Variants in ARID1B observed in about 807,000 individuals in gnomAD.
ARID1B encodes AT-rich interactive domain-containing protein 1B.
In ARID1B, 30 loss-of-function variants were observed where a neutral mutation model predicts 212.3. The ratio of observed to expected loss-of-function variants is 0.14; its 90% CI spans 0.11 to 0.19. The LOEUF (loss-of-function observed/expected upper bound fraction) is 0.19, where lower values mean the gene tolerates loss of function less well. ARID1B is among the 10% of genes least tolerant of loss of function. The pLI is 1.00. For missense variants in ARID1B, 2,891 were observed against 3,204.0 expected (o/e 0.90, Z 2.36); for synonymous variants, 1,402 against 1,301.7 (o/e 1.08, Z -1.66).
chr6:156,914,383 T>C (rs1220663711), intron 3 of ARID1B, among the ~76,000 whole-genome samples: 1 of 152,244 alleles, frequency 6.6e-6, no homozygotes, highest in East Asian at 1.9e-4. Context: ...TAGGATTCCA[T>C]GCAGCTGACG....
intron 12 of ARID1B, among the ~76,000 whole-genome samples, chr6:157,182,526 CG>C (rs972497860): frequency 6.6e-6 from 1 of 152,090 alleles, no homozygotes; most frequent in Non-Finnish European, 1.5e-5. Flanking sequence ...ACCAAGGTGG[CG>C]GGGGTCACTA....
rs184278905 is a variant in ARID1B at position 156,829,488 on chromosome 6, C to G, written c.1986+67C>G. 9.7e-5 allele frequency: 142 copies of G among 1,461,708 alleles called. No individual in the cohort carries two copies. In the African/African-American group the frequency reaches 1.7e-3, roughly 17 times the overall value. 90.5% of individuals were successfully genotyped at this position (1,461,708 alleles called of 1,614,324 possible). ...TTTGTCTTTGCCTTTTGCTGTCCAC[C>G]TAAGATTGATGTTAAAGAGAATTAG... On this transcript the variant is annotated intron_variant, in intron 2 of 19. Coordinates refer to ENST00000636930, the MANE Select transcript of ARID1B (RefSeq NM_001374828.1).
intron 4 of ARID1B, among the ~76,000 whole-genome samples, chr6:156,980,738 G>A (rs1168020856): frequency 6.6e-6 from 1 of 152,142 alleles, no homozygotes; most frequent in Admixed American, 6.5e-5. Context: ...GGAGGGACCC[G>A]TGCAGCAGCC....
intron 4 of ARID1B, among the ~76,000 whole-genome samples, chr6:157,004,662 C>G (rs555225928): frequency 5.8e-4 from 88 of 152,268 alleles, no homozygotes; most frequent in Admixed American, 1.2e-3. Context: ...TTCGGAACAG[C>G]CGTGCACTTG....
intron 2 of ARID1B, among the ~76,000 whole-genome samples, chr6:156,835,413 A>G (rs188039860): frequency 1.1e-4 from 16 of 152,142 alleles, no homozygotes; most frequent in African/African-American, 3.6e-4. Context: ...AGATTTTTAA[A>G]TCTTTAGCCT....
chr6:157,202,409 G>A (rs997434379), intron 18 of ARID1B, among the ~76,000 whole-genome samples: 1 of 152,182 alleles, frequency 6.6e-6, no homozygotes, highest in Non-Finnish European at 1.5e-5. Context: ...TAATTTGAAA[G>A]ACATCAATCA....
chr6:157,105,342 G>A (rs1007430564), intron 5 of ARID1B, among the ~76,000 whole-genome samples: 2 of 151,790 alleles, frequency 1.3e-5, no homozygotes, highest in Non-Finnish European at 2.9e-5. Context: ...AAAAATTTCC[G>A]CTACAAAAGA....
intron 4 of ARID1B, chr6:156,943,244 AAAG>A (rs1404128151): frequency 2.6e-5 from 4 of 152,188 alleles, no homozygotes; most frequent in Non-Finnish European, 4.4e-5. Context: ...TTACTGTGTG[AAAG>A]AAGATTATTG....
At chr6:157,145,537 C>G (rs1261517900) in intron 7 of ARID1B, among the ~76,000 whole-genome samples, 1 of 152,206 alleles carries the variant, frequency 6.6e-6, no homozygotes, top group Non-Finnish European at 1.5e-5. Flanking sequence ...GTGGCTCTCA[C>G]AGAGATCAGA....
chr6:157,093,936 A>G (rs1785445053), intron 5 of ARID1B, among the ~76,000 whole-genome samples: 1 of 152,246 alleles, frequency 6.6e-6, no homozygotes, highest in Non-Finnish European at 1.5e-5. Flanking sequence ...AAGGCGCTGA[A>G]CATAAACTGC....
intron 2 of ARID1B, among the ~76,000 whole-genome samples, chr6:156,899,447 C>G (rs1249356754): frequency 6.6e-6 from 1 of 152,148 alleles, no homozygotes; most frequent in African/African-American, 2.4e-5. Context: ...GGGGTGCCAG[C>G]AAAGTTGGTC....
At chr6:156,812,975 T>TATATGTATATACATAC (rs1159448637) in intron 1 of ARID1B, among the ~76,000 whole-genome samples, 15 of 103,632 alleles carry the variant, frequency 1.4e-4, no homozygotes, top group Admixed American at 9.1e-4. Context: ...TGTGTGTGTG[T>TATATGTATATACATAC]GTATGTATAT....
intron 5 of ARID1B, among the ~76,000 whole-genome samples, chr6:157,105,611 A>ATT (rs547859640): frequency 1.3e-5 from 2 of 151,814 alleles, no homozygotes; most frequent in Admixed American, 6.6e-5. Flanking sequence ...TTTATTTTTA[A>ATT]TTTTTTTTGA....
intron 4 of ARID1B, among the ~76,000 whole-genome samples, chr6:156,975,602 A>ATTTTTTTTTTTTTTTTTTTT (rs57649427): frequency 1.2e-5 from 1 of 86,312 alleles, no homozygotes; most frequent in Admixed American, 1.1e-4. Context: ...GTTTGACTGT[A>ATTTTTTTTTTTTTTTTTTTT]TTTTTTTTTT....
intron 5 of ARID1B, among the ~76,000 whole-genome samples, chr6:157,105,192 T>G (rs1786363941): frequency 6.6e-6 from 1 of 151,976 alleles, no homozygotes; most frequent in African/African-American, 2.4e-5. Flanking sequence ...TCAAGGGAGA[T>G]GGAAAAAAAA....
chr6:156,855,738 C>T (rs1046206774), intron 2 of ARID1B, among the ~76,000 whole-genome samples: 9 of 152,076 alleles, frequency 5.9e-5, no homozygotes, highest in East Asian at 1.9e-4. Flanking sequence ...TGTGAGTGTG[C>T]GTGCATGTGA....
chr6:157,183,989 G>A (rs141554700), intron 12 of ARID1B, among the ~76,000 whole-genome samples: 140 of 152,298 alleles, frequency 9.2e-4, no homozygotes, highest in African/African-American at 3.2e-3. Flanking sequence ...AGCGTGAGGC[G>A]TTGGGAGATG....
Position 156,829,400 on chromosome 6 carries a change from A to C in ARID1B, c.1965A>C (p.Gly655=), listed in dbSNP as rs1476110794. Residue 655 remains glycine (G), a synonymous_variant, in exon 2 of 20, where the codon GGA becomes GGC. Coordinates refer to ENST00000636930, the MANE Select transcript of ARID1B (RefSeq NM_001374828.1). ...GTCGGACTCCCGGGGCCATGGCCGGAATGCAGTACCCTCAGCAGCAGGTTT... is the reference window on the plus strand; with the variant it reads ...GTCGGACTCCCGGGGCCATGGCCGGCATGCAGTACCCTCAGCAGCAGGTTT... ...IQGRTPGAMA[G]MQYPQQQMPP... is the part of the protein sequence containing the mutation. 6.2e-7 allele frequency: 1 copy of C among 1,614,138 alleles called. No homozygotes were observed. The highest frequency in any genetic ancestry group is 1.1e-5 in the South Asian group (1 of 91,080).
At chr6:157,168,834 G>A (rs192561051) in intron 9 of ARID1B, 6 of 152,284 alleles carry the variant, frequency 3.9e-5, no homozygotes, top group African/African-American at 1.4e-4. Flanking sequence ...TGTATGGGGT[G>A]GTAGTGTATT....
Sources: allele counts gnomAD v4.1 joint callset (sites outside exome capture counted in the v4.1 genomes callset), GRCh38; gene constraint gnomAD v4.1.1; transcripts MANE v1.5; gene names NCBI Gene and HGNC (gene_info 2026-07-23, HGNC 2026-07-21).